ANTXR2: variants seen among roughly 807,000 people sequenced by gnomAD.
The protein encoded by ANTXR2 is anthrax toxin receptor 2.
Under a neutral mutation model 73.7 loss-of-function variants are expected in ANTXR2, and 44 were observed. That is an observed-to-expected ratio of 0.60 (90% CI 0.47 to 0.77). The LOEUF is 0.77. Among genes scored for constraint, ANTXR2 ranks in the 30% least tolerant of loss-of-function variants. The probability of loss-of-function intolerance (pLI) is 0.00; values close to 1 mark genes in which losing one functional copy is unlikely to be tolerated. For synonymous variants in ANTXR2, 217 were observed against 205.9 expected (o/e 1.05, Z -0.46); for missense variants, 604 against 592.5 (o/e 1.02, Z -0.20).
chr4:79,932,792 C>CAAAAAAAAAAAAAAAAAAAAAAAAAAA (rs57359650), intron 16 of ANTXR2, among the ~76,000 whole-genome samples: 1 of 52,368 alleles, frequency 1.9e-5, no homozygotes, highest in Admixed American at 2.8e-4. Context: ...AACTCCATCT[C>CAAAAAAAAAAAAAAAAAAAAAAAAAAA]AAAAAAAAAA....
At chr4:80,056,176 T>C (rs997273971) in intron 3 of ANTXR2, among the ~76,000 whole-genome samples, 163 bp from the exon 4 acceptor site, 1 of 151,950 alleles carries the variant, frequency 6.6e-6, no homozygotes, top group Admixed American at 6.6e-5. Context: ...TTTTTGTAAT[T>C]TTAGTAAGTA....
At chr4:80,030,559 T>C (rs1379938272) in intron 10 of ANTXR2, among the ~76,000 whole-genome samples, 1 of 152,074 alleles carries the variant, frequency 6.6e-6, no homozygotes, top group Non-Finnish European at 1.5e-5. Context: ...AATAATACTC[T>C]TAGTTTTGTA....
At chr4:80,065,707 G>A (rs931659954) in intron 3 of ANTXR2, among the ~76,000 whole-genome samples, 4 of 152,194 alleles carry the variant, frequency 2.6e-5, no homozygotes, top group African/African-American at 9.7e-5. Flanking sequence ...CAGCCCTACG[G>A]TAAGTATTTA....
chr4:80,013,622 T>C (rs934017162), intron 11 of ANTXR2, among the ~76,000 whole-genome samples: 33 of 152,390 alleles, frequency 2.2e-4, no homozygotes, highest in South Asian at 6.2e-4. Context: ...GTTCACCATA[T>C]GCAAATATGC....
chr4:79,915,860 C>CTATATATATATATA (rs775665680), intron 16 of ANTXR2, among the ~76,000 whole-genome samples: 25 of 121,948 alleles, frequency 2.1e-4, no homozygotes, highest in Admixed American at 1.4e-3. Context: ...CTCTCTCTCT[C>CTATATATATATATA]TCTATATATA....
At chr4:80,029,749 G>T (rs1159103898) in intron 10 of ANTXR2, among the ~76,000 whole-genome samples, 1 of 151,786 alleles carries the variant, frequency 6.6e-6, no homozygotes, top group Non-Finnish European at 1.5e-5. Flanking sequence ...TTCACATACA[G>T]TTCTACATCA....
At chr4:79,952,726 A>C (rs1728751441) in intron 16 of ANTXR2, among the ~76,000 whole-genome samples, 1 of 151,838 alleles carries the variant, frequency 6.6e-6, no homozygotes. Context: ...GATTAGAAAA[A>C]CTGTTTGCTC....
chr4:80,010,745 A>C (rs1172145333), intron 11 of ANTXR2, among the ~76,000 whole-genome samples: 1 of 152,238 alleles, frequency 6.6e-6, no homozygotes, highest in African/African-American at 2.4e-5. Context: ...TTTCCCTTAA[A>C]AAAAGCCTCC....
chr4:79,977,829 T>A, intron 15 of ANTXR2, 128 bp from the exon 16 acceptor site: 1 of 1,243,004 alleles, frequency 8.0e-7, no homozygotes, highest in Non-Finnish European at 1.1e-6. Context: ...GGTAAACTAA[T>A]AAGTAATAAA....
Position 80,050,987 on chromosome 4 carries a change from C to T in ANTXR2, c.636+3285G>A, listed in dbSNP as rs114877891. On this transcript the variant is annotated intron_variant, in intron 7 of 16. Coordinates refer to ENST00000403729, the MANE Select transcript of ANTXR2 (RefSeq NM_058172.6). ...ACCCGTCAATGTTTATCCCCCATAC[C>T]TCCCATGATCCTAGCCAAACCACAT... Among the ~76,000 whole-genome samples the T allele has an allele frequency of 5.7e-3, 870 of 151,670 alleles. 7 individuals carry two copies. The highest frequency in any genetic ancestry group is 0.02 in the African/African-American group (818 of 41,428).
intron 7 of ANTXR2, among the ~76,000 whole-genome samples, chr4:80,048,457 C>A (rs1340114875): frequency 6.6e-6 from 1 of 151,584 alleles, no homozygotes; most frequent in African/African-American, 2.4e-5. Flanking sequence ...TAACAGGAGT[C>A]CTGAAAATTG....
chr4:80,008,407 C>A (rs1345373450), intron 12 of ANTXR2, 114 bp downstream of exon 12: 1 of 713,240 alleles, frequency 1.4e-6, no homozygotes, highest in Non-Finnish European at 2.2e-6. Context: ...AATTAAAATT[C>A]ATTTTGCAAA....
intron 16 of ANTXR2, among the ~76,000 whole-genome samples, chr4:79,917,304 T>A (rs1168523058): frequency 6.6e-6 from 1 of 151,812 alleles, no homozygotes. Context: ...GTTTGGGACA[T>A]GGCAAGAGGA....
At chr4:79,935,525 A>C (rs200501974) in intron 16 of ANTXR2, among the ~76,000 whole-genome samples, 1 of 143,514 alleles carries the variant, frequency 7.0e-6, no homozygotes, top group East Asian at 2.1e-4. Context: ...GAAAAAAAAA[A>C]GGGAGCCATA....
chr4:79,904,949 T>G lies in ANTXR2; in HGVS notation c.*2480A>C, dbSNP rs933982024. 2.2e-4 allele frequency: 34 copies of G among 152,136 alleles called. No homozygotes were observed. The highest frequency in any genetic ancestry group is 8.2e-4 in the African/African-American group (34 of 41,432). The allele number at this position is 152,136 out of a possible 1,614,324, so 9.4% of individuals were successfully genotyped here. A position where few individuals can be genotyped will look rare whatever the true frequency, so the allele number is the denominator to read the frequency against. ...AAACAAATTCTTTTCAACTGCTAGT[T>G]AGTATAATTGGAGAAAAGCATAAAA... On this transcript the variant is annotated 3_prime_UTR_variant, in exon 17 of 17. Transcript: ENST00000403729.
intron 3 of ANTXR2, among the ~76,000 whole-genome samples, chr4:80,063,782 A>G (rs1217560297): frequency 6.6e-6 from 1 of 152,138 alleles, no homozygotes; most frequent in East Asian, 1.9e-4. Context: ...ATTCCATCCA[A>G]TGTATATGTT....
chr4:79,993,200 A>G (rs985438723), intron 12 of ANTXR2, among the ~76,000 whole-genome samples: 1 of 151,994 alleles, frequency 6.6e-6, no homozygotes, highest in African/African-American at 2.4e-5. Flanking sequence ...AGTAAGGAAA[A>G]AGAGAAGTTA....
At chr4:80,055,727 C>A (rs1733966069) in intron 4 of ANTXR2, among the ~76,000 whole-genome samples, 1 of 151,858 alleles carries the variant, frequency 6.6e-6, no homozygotes, top group Non-Finnish European at 1.5e-5. Context: ...TGGAAAATTC[C>A]TTAAAAGGCA....
Position 80,072,821 on chromosome 4 carries a change from C to A in ANTXR2, c.-261G>T, listed in dbSNP as rs1578203683. ...ATCCCAGTGGAAGCGCGATCCAGTC[C>A]TCCCCCTCCCGATTCCGGAGAGTTC... On this transcript the variant is annotated 5_prime_UTR_variant, in exon 1 of 17. In the 5' UTR this introduces an upstream ATG that the reference lacks. Coordinates refer to ENST00000403729, the MANE Select transcript of ANTXR2 (RefSeq NM_058172.6). 14 of 817,178 alleles carry A rather than the reference C, an allele frequency of 1.7e-5. No individual in the cohort carries two copies. In the East Asian group the frequency reaches 5.0e-4, roughly 29 times the overall value. 50.6% of individuals were successfully genotyped at this position (817,178 alleles called of 1,614,324 possible). A position where few individuals can be genotyped will look rare whatever the true frequency, so the allele number is the denominator to read the frequency against.
Sources: allele counts gnomAD v4.1 joint callset (sites outside exome capture counted in the v4.1 genomes callset), GRCh38; gene constraint gnomAD v4.1.1; transcripts MANE v1.5; gene names NCBI Gene and HGNC (gene_info 2026-07-23, HGNC 2026-07-21).